UIMC1: variants seen among roughly 807,000 people sequenced by gnomAD.
UIMC1 encodes the protein ubiquitin interaction motif containing 1, also known as BRCA1-A complex subunit RAP80.
In UIMC1, 42 loss-of-function variants were observed where a neutral mutation model predicts 84.9. The ratio of observed to expected loss-of-function variants is 0.49; its 90% CI spans 0.39 to 0.64. UIMC1 has a LOEUF of 0.64. Among genes scored for constraint, UIMC1 ranks in the 30% least tolerant of loss-of-function variants. The probability of loss-of-function intolerance (pLI) is 0.00; values close to 1 mark genes in which losing one functional copy is unlikely to be tolerated. For synonymous variants in UIMC1, 281 were observed against 293.0 expected, an observed-to-expected ratio of 0.96 and a Z score of 0.42; for missense variants, 825 against 847.6, an observed-to-expected ratio of 0.97 and a Z score of 0.33.
At chr5:176,945,010 G>C (rs1207737513) in intron 9 of UIMC1, among the ~76,000 whole-genome samples, 3 of 152,190 alleles carry the variant, frequency 2.0e-5, no homozygotes, top group Non-Finnish European at 4.4e-5. Flanking sequence ...GTAACTTGCT[G>C]GTCACAAAGT....
chr5:176,967,707 A>T (rs1688026490), intron 6 of UIMC1, among the ~76,000 whole-genome samples: 1 of 152,136 alleles, frequency 6.6e-6, no homozygotes, highest in African/African-American at 2.4e-5. Context: ...GTTCGAGACC[A>T]GCCTGGGCAA....
At position 176,911,358 on chromosome 5, in the gene UIMC1, G is replaced by C; in HGVS notation, c.1629C>G (p.Thr543=). ...GGGCAGCTGTCCCACTGTCACTCTTGGTCTTGGCCTCTTTTTGTCTCCGAG... is the reference window on the plus strand; with the variant it reads ...GGGCAGCTGTCCCACTGTCACTCTTCGTCTTGGCCTCTTTTTGTCTCCGAG... ...VLTRRQKEAK[T]KSDSGTAAQT... Residue 543 remains threonine (T), a synonymous_variant, in exon 11 of 15, where the codon ACC becomes ACG. Transcript: ENST00000511320. 2 of 1,596,038 alleles carry C rather than the reference G, an allele frequency of 1.3e-6. No homozygotes were observed. The highest frequency in any genetic ancestry group is 1.7e-6 in the Non-Finnish European group (2 of 1,170,210).
chr5:176,944,224 G>A (rs1342739508), intron 9 of UIMC1, among the ~76,000 whole-genome samples: 3 of 152,028 alleles, frequency 2.0e-5, no homozygotes, highest in Non-Finnish European at 4.4e-5. Flanking sequence ...TGACTTTCTG[G>A]ATTGAAAGAG....
At chr5:176,942,764 A>T (rs1262666953) in intron 10 of UIMC1, among the ~76,000 whole-genome samples, 1 of 148,418 alleles carries the variant, frequency 6.7e-6, no homozygotes, top group Non-Finnish European at 1.5e-5. Context: ...AAAAAAAAAA[A>T]AAAGGTTGGG....
chr5:176,927,549 C>T (rs995104599), intron 10 of UIMC1, among the ~76,000 whole-genome samples: 1 of 151,958 alleles, frequency 6.6e-6, no homozygotes, highest in African/African-American at 2.4e-5. Context: ...CCACCACACC[C>T]AGCCAAATTT....
chr5:177,008,117 A>AAG (rs1554139447), upstream of UIMC1, among the ~76,000 whole-genome samples: 286 of 151,554 alleles, frequency 1.9e-3, 4 homozygotes, highest in Non-Finnish European at 4.4e-4. Context: ...AAAAAAAAAA[A>AAG]AGAGAGAGAG....
Position 176,908,539 on chromosome 5 carries a change from C to A in UIMC1, c.1832G>T (p.Arg611Met), listed in dbSNP as rs367619245. ...TACACATACCTTTGGGTTCTTCAGC[C>A]TCTGCTGCCACTTCCCCTCCACAGT... ...CSTVEGKWQQ[R>M]LKNPKEKGHS... Residue 611 changes from arginine to methionine, a missense_variant, in exon 12 of 15, where the codon AGG becomes ATG. Physicochemically the swap from Arg to Met is moderately conservative, Grantham distance 91 (BLOSUM62 -1). Transcript: ENST00000511320. 6.2e-7 allele frequency: 1 copy of A among 1,613,726 alleles called. No individual in the cohort carries two copies. The highest frequency in any genetic ancestry group is 1.3e-5 in the African/African-American group (1 of 74,902).
chr5:176,949,676 T>C lies in UIMC1; in HGVS notation c.1443+1798A>G, dbSNP rs553860425. ...GATCAGGTTCCAGAGAACCAGGCAG[T>C]GTGCATGATTCATGAAGGCAGAATA... On this transcript the variant is annotated intron_variant, in intron 9 of 14. Coordinates refer to ENST00000511320, the MANE Select transcript of UIMC1 (RefSeq NM_001199298.2). Among the ~76,000 whole-genome samples, 44 of 152,314 alleles carry C rather than the reference T, an allele frequency of 2.9e-4. 2 individuals are homozygous for C. The South Asian group carries it at 8.9e-3, about 31-fold the overall frequency.
intron 10 of UIMC1, among the ~76,000 whole-genome samples, chr5:176,920,522 T>C (rs1190553290): frequency 6.6e-6 from 1 of 152,198 alleles, no homozygotes; most frequent in Non-Finnish European, 1.5e-5. Flanking sequence ...TATTCCTAAG[T>C]ATTTTATTAT....
chr5:177,010,073 G>T (rs976819346), upstream of UIMC1, among the ~76,000 whole-genome samples: 1 of 151,934 alleles, frequency 6.6e-6, no homozygotes, highest in East Asian at 1.9e-4. Context: ...ACAAGTAGCC[G>T]CATGTGGTGG....
chr5:176,985,456 CA>C (rs35535020), intron 1 of UIMC1, among the ~76,000 whole-genome samples: 13,146 of 88,470 alleles, frequency 0.15, 892 homozygotes, highest in Middle Eastern at 0.29. Flanking sequence ...AATTCTGTCT[CA>C]AAAAAAAAAA....
chr5:176,998,337 GT>G (rs1773937882), intron 1 of UIMC1, among the ~76,000 whole-genome samples: 1 of 151,710 alleles, frequency 6.6e-6, no homozygotes, highest in South Asian at 2.1e-4. Flanking sequence ...GGTGGCACAT[GT>G]CTGTAATCTC....
In UIMC1 at chr5:176,969,304, G is replaced by A. The variant is rs757085217; in HGVS notation, c.464-13C>T. ...AGCTGCCATATGCCTGTAGGTATTT[G>A]AGAAAAAGTAGGGCTAAGGACAAAC... On this transcript the variant is annotated splice_polypyrimidine_tract_variant and intron_variant, in intron 5 of 14. Coordinates refer to ENST00000511320, the MANE Select transcript of UIMC1 (RefSeq NM_001199298.2). The A allele has an allele frequency of 1.3e-6, 2 of 1,587,862 alleles. No individual in the cohort carries two copies.
At chr5:176,985,146 G>T (rs900394457) in intron 1 of UIMC1, among the ~76,000 whole-genome samples, 8 of 151,884 alleles carry the variant, frequency 5.3e-5, no homozygotes, top group Admixed American at 6.6e-5. Context: ...GGGAAAAAAT[G>T]GTTTTTTTTT....
At chr5:177,015,514 G>C (rs1352076900) in intron 1 of UIMC1, among the ~76,000 whole-genome samples, 6 of 152,176 alleles carry the variant, frequency 3.9e-5, no homozygotes, top group African/African-American at 9.6e-5. Context: ...AGAGTGGCTG[G>C]AATTCCCAAA....
chr5:176,905,229 A>C lies in UIMC1; in HGVS notation c.*53T>G. ...ACTAGGGACCACTATGGCTTAATGA[A>C]CATGGCCCACCCCTCCTACTAATGG... On this transcript the variant is annotated 3_prime_UTR_variant, in exon 15 of 15. Transcript: ENST00000511320. The C allele has an allele frequency of 6.3e-7, 1 of 1,590,106 alleles. No individual in the cohort carries two copies. Among genetic ancestry groups the C allele is most frequent in the South Asian group, 1.1e-5 (1 of 88,040 alleles).
chr5:177,021,759 T>C (rs1775842641), intron 1 of UIMC1, among the ~76,000 whole-genome samples: 1 of 152,018 alleles, frequency 6.6e-6, no homozygotes, highest in African/African-American at 2.4e-5. Context: ...TTCAAGCCAT[T>C]CTCCTGGCTC....
chr5:176,964,097 C>T (rs1459411739), intron 6 of UIMC1, among the ~76,000 whole-genome samples: 1 of 152,190 alleles, frequency 6.6e-6, no homozygotes, highest in Non-Finnish European at 1.5e-5. Context: ...CTCTGAGTCC[C>T]TATTTTTGAG....
At chr5:176,977,464 A>G (rs1770280349) in intron 2 of UIMC1, among the ~76,000 whole-genome samples, 1 of 151,888 alleles carries the variant, frequency 6.6e-6, no homozygotes, top group South Asian at 2.1e-4. Flanking sequence ...AGTCTCACTA[A>G]GTTTAAAAAT....
Sources: gnomAD v4.1 joint callset for allele counts (sites outside exome capture counted in the v4.1 genomes callset) on GRCh38, gnomAD v4.1.1 for gene constraint, MANE v1.5 for transcripts, NCBI Gene and HGNC (gene_info 2026-07-23, HGNC 2026-07-21) for gene names.